The following CTNNA3 variants were observed in gnomAD, a reference collection of about 807,000 sequenced individuals.
The protein encoded by CTNNA3 is catenin alpha-3.
Under a neutral mutation model 95.7 loss-of-function variants are expected in CTNNA3, and 76 were observed. The ratio of observed to expected loss-of-function variants is 0.79; its 90% CI spans 0.66 to 0.96. CTNNA3 has a LOEUF of 0.96. Among genes scored for constraint, CTNNA3 ranks in the 40% least tolerant of loss-of-function variants. CTNNA3 has a pLI of 0.00. For missense variants in CTNNA3, 1,191 were observed against 1,089.8 expected, an observed-to-expected ratio of 1.09 and a Z score of -1.31; for synonymous variants, 431 against 374.4, an observed-to-expected ratio of 1.15 and a Z score of -1.74.
intron 3 of CTNNA3, among the ~76,000 whole-genome samples, chr10:67,559,227 G>T (rs1276248615): frequency 2.6e-5 from 4 of 152,242 alleles, no homozygotes; most frequent in African/African-American, 9.6e-5. Context: ...CAGCCTAACT[G>T]GGAGGCAACC....
rs112225326 is a variant in CTNNA3 at position 66,585,282 on chromosome 10, T to G, written c.1374+36410A>C. 1.1e-4 allele frequency among the ~76,000 whole-genome samples: 16 copies of G among 152,164 alleles called. 1 individual carries two copies. The highest frequency in any genetic ancestry group is 3.9e-4 in the African/African-American group (16 of 41,526). ...CCTGGAAATTTTCCTCAAATAGACT[T>G]TTGAAATTTTTGCTACGTTTTTCTC... On this transcript the variant is annotated intron_variant, in intron 10 of 17. Coordinates refer to ENST00000433211, the MANE Select transcript of CTNNA3 (RefSeq NM_013266.4).
In CTNNA3 at chr10:66,874,692, G is replaced by C. The variant is rs146006722; in HGVS notation, c.1048-99168C>G. Reference sequence around the variant, plus strand: ...TTTCTCTTTAAACTGAATTCATCCTGGTATATACCAATCTATATAATTTTC... The same window carrying C: ...TTTCTCTTTAAACTGAATTCATCCTCGTATATACCAATCTATATAATTTTC... On this transcript the variant is annotated intron_variant, in intron 7 of 17. Coordinates refer to ENST00000433211, the MANE Select transcript of CTNNA3 (RefSeq NM_013266.4). Among the ~76,000 whole-genome samples, 798 of 152,166 alleles carry C rather than the reference G, an allele frequency of 5.2e-3. 8 individuals are homozygous for C. The highest frequency in any genetic ancestry group is 0.018 in the African/African-American group (765 of 41,506).
chr10:66,617,414 A>T (rs896939308), intron 10 of CTNNA3, among the ~76,000 whole-genome samples: 1 of 152,128 alleles, frequency 6.6e-6, no homozygotes, highest in East Asian at 1.9e-4. Flanking sequence ...ATATACGCAA[A>T]TCAATAAATG....
chr10:67,327,684 G>A (rs1350567260), intron 5 of CTNNA3, among the ~76,000 whole-genome samples: 1 of 152,210 alleles, frequency 6.6e-6, no homozygotes, highest in East Asian at 1.9e-4. Context: ...GTTTCAGAGT[G>A]CGATGACAGT....
At chr10:67,485,324 G>A (rs1256277707) in intron 5 of CTNNA3, among the ~76,000 whole-genome samples, 1 of 152,090 alleles carries the variant, frequency 6.6e-6, no homozygotes, top group African/African-American at 2.4e-5. Context: ...GTAGAGGTGG[G>A]GACATTGGGA....
At chr10:67,479,241 T>C (rs1232718583) in intron 5 of CTNNA3, among the ~76,000 whole-genome samples, 3 of 152,124 alleles carry the variant, frequency 2.0e-5, no homozygotes, top group South Asian at 4.1e-4. Flanking sequence ...ACTTGACCAA[T>C]TGGATTTAAT....
At chr10:66,767,873 G>A (rs1310666860) in intron 8 of CTNNA3, among the ~76,000 whole-genome samples, 2 of 152,316 alleles carry the variant, frequency 1.3e-5, no homozygotes, top group East Asian at 3.9e-4. Flanking sequence ...TTTAAGAAAG[G>A]CTTCAGGAAG....
intron 11 of CTNNA3, among the ~76,000 whole-genome samples, chr10:66,414,844 C>T (rs988121963): frequency 6.6e-6 from 1 of 152,072 alleles, no homozygotes. Context: ...TTCTAGAGCA[C>T]CATCCCCAGC....
intron 10 of CTNNA3, among the ~76,000 whole-genome samples, chr10:66,583,025 T>C (rs548915669): frequency 6.6e-6 from 1 of 151,854 alleles, no homozygotes; most frequent in Non-Finnish European, 1.5e-5. Context: ...TGATGCGCTG[T>C]TGGATTTGGT....
chr10:67,117,782 T>A (rs971513560), intron 7 of CTNNA3, among the ~76,000 whole-genome samples: 1 of 152,006 alleles, frequency 6.6e-6, no homozygotes, highest in Admixed American at 6.6e-5. Context: ...AAATGAAATA[T>A]CATGAAGCTG....
chr10:66,476,130 C>T (rs1223746922), intron 11 of CTNNA3, among the ~76,000 whole-genome samples: 2 of 152,052 alleles, frequency 1.3e-5, no homozygotes, highest in Non-Finnish European at 2.9e-5. Context: ...CCGAACACCA[C>T]TTGTTCTCAC....
chr10:66,220,966 C>T (rs921623212), intron 13 of CTNNA3, among the ~76,000 whole-genome samples: 1 of 152,154 alleles, frequency 6.6e-6, no homozygotes, highest in Non-Finnish European at 1.5e-5. Context: ...CACTTTGGGC[C>T]GTGGGTCCAG....
chr10:67,342,377 C>G (rs906489705), intron 5 of CTNNA3, among the ~76,000 whole-genome samples: 1 of 152,144 alleles, frequency 6.6e-6, no homozygotes, highest in Middle Eastern at 3.2e-3. Flanking sequence ...GCTGGGATTA[C>G]AGGCGTGAGC....
chr10:66,160,603 A>G (rs754970318), intron 13 of CTNNA3, among the ~76,000 whole-genome samples: 1 of 152,072 alleles, frequency 6.6e-6, no homozygotes, highest in African/African-American at 2.4e-5. Context: ...GGCCTATTAT[A>G]TGGTCTATCT....
At chr10:66,570,367 C>T (rs977254670) in intron 10 of CTNNA3, among the ~76,000 whole-genome samples, 8 of 152,116 alleles carry the variant, frequency 5.3e-5, no homozygotes, top group African/African-American at 1.9e-4. Flanking sequence ...CAGCTCACTG[C>T]AACCTCTGCC....
chr10:66,184,991 G>T (rs2131866613), intron 13 of CTNNA3, among the ~76,000 whole-genome samples: 1 of 152,216 alleles, frequency 6.6e-6, no homozygotes, highest in East Asian at 1.9e-4. Flanking sequence ...GAGTATTTTT[G>T]TACGGCCTTG....
At chr10:67,025,099 C>T (rs771137254) in intron 7 of CTNNA3, among the ~76,000 whole-genome samples, 1 of 142,366 alleles carries the variant, frequency 7.0e-6, no homozygotes, top group African/African-American at 2.6e-5. Context: ...ATTGCACACT[C>T]CAGCCTGAGC....
At chr10:66,463,952 A>G (rs190249295) in intron 11 of CTNNA3, among the ~76,000 whole-genome samples, 19 of 152,004 alleles carry the variant, frequency 1.2e-4, no homozygotes, top group African/African-American at 4.1e-4. Flanking sequence ...AGGGAAGAGG[A>G]ATGGATATTT....
chr10:67,289,463 A>G (rs1839745626), intron 5 of CTNNA3, among the ~76,000 whole-genome samples: 1 of 152,166 alleles, frequency 6.6e-6, no homozygotes, highest in South Asian at 2.1e-4. Flanking sequence ...ATTACATCCA[A>G]GGTCTAAGTG....
Sources: allele counts gnomAD v4.1 joint callset (sites outside exome capture counted in the v4.1 genomes callset), GRCh38; gene constraint gnomAD v4.1.1; transcripts MANE v1.5; gene names NCBI Gene and HGNC (gene_info 2026-07-23, HGNC 2026-07-21).